The following SH3YL1 variants were observed in gnomAD, a reference collection of about 807,000 sequenced individuals.
SH3YL1 encodes the protein SH3 domain-containing YSC84-like protein 1.
Under a neutral mutation model 45.8 loss-of-function variants are expected in SH3YL1, and 41 were observed. That is an observed-to-expected ratio of 0.89 (90% CI 0.70 to 1.16). SH3YL1 has a LOEUF of 1.16. Among genes scored for constraint, SH3YL1 ranks in the 50% most tolerant of loss-of-function variants. The probability of loss-of-function intolerance (pLI) is 0.00; values close to 1 mark genes in which losing one functional copy is unlikely to be tolerated. For synonymous variants in SH3YL1, 152 were observed against 151.4 expected (o/e 1.00, Z -0.03); for missense variants, 389 against 409.6 (o/e 0.95, Z 0.43).
chr2:255,025 T>A (rs1301823607), intron 1 of SH3YL1, among the ~76,000 whole-genome samples: 1 of 152,156 alleles, frequency 6.6e-6, no homozygotes, highest in Non-Finnish European at 1.5e-5. Flanking sequence ...ATGTCTCATG[T>A]CTCCCTAAAA....
intron 8 of SH3YL1, 105 bp downstream of exon 8, chr2:229,861 C>T: frequency 6.1e-6 from 5 of 819,914 alleles, no homozygotes; most frequent in Non-Finnish European, 7.7e-6. Context: ...TATGTTAGTT[C>T]TTCTATTTAA....
chr2:231,964 T>C (rs976807006), intron 6 of SH3YL1, among the ~76,000 whole-genome samples: 1 of 152,168 alleles, frequency 6.6e-6, no homozygotes, highest in African/African-American at 2.4e-5. Flanking sequence ...ACTGGATGCT[T>C]TGTCTCGGAT....
upstream of SH3YL1, chr2:264,262 T>TG (rs956191724): frequency 1.5e-5 from 6 of 411,462 alleles, no homozygotes; most frequent in African/African-American, 1.2e-4. Context: ...GTGTTGGGGG[T>TG]GGGGGTCTCA....
intron 4 of SH3YL1, among the ~76,000 whole-genome samples, chr2:236,535 T>G (rs1256033045): frequency 6.6e-6 from 1 of 152,172 alleles, no homozygotes; most frequent in African/African-American, 2.4e-5. Context: ...CATTACTCCC[T>G]TTTGCATGCT....
chr2:264,720 C>A, upstream of SH3YL1: 5 of 473,074 alleles, frequency 1.1e-5, no homozygotes, highest in Non-Finnish European at 1.9e-5. Flanking sequence ...CCCGCCCCTG[C>A]AGGTGAACGG....
intron 6 of SH3YL1, among the ~76,000 whole-genome samples, chr2:231,974 T>C (rs1386836917): frequency 1.3e-5 from 2 of 152,242 alleles, no homozygotes; most frequent in African/African-American, 4.8e-5. Flanking sequence ...TTGTCTCGGA[T>C]AGTGGCGGGT....
intron 8 of SH3YL1, among the ~76,000 whole-genome samples, chr2:225,435 C>T (rs1180192439): frequency 6.6e-6 from 1 of 152,232 alleles, no homozygotes; most frequent in Non-Finnish European, 1.5e-5. Context: ...CCTTGCACAT[C>T]ATGTTCAGCT....
chr2:261,534 G>T (rs1228496932), intron 1 of SH3YL1, among the ~76,000 whole-genome samples: 1 of 151,892 alleles, frequency 6.6e-6, no homozygotes, highest in South Asian at 2.1e-4. Context: ...AAATTAGAAG[G>T]TCTTATAAAA....
intron 4 of SH3YL1, among the ~76,000 whole-genome samples, chr2:237,346 GGTGACACTACCA>G (rs3838489): frequency 0.29 from 44,676 of 151,628 alleles, 6,881 homozygotes; most frequent in Non-Finnish European, 0.35. Flanking sequence ...TGTGTTTTTT[GGTGACACTACCA>G]ATTAGCCCGA....
At chr2:223,644 G>T (rs182828737) in intron 9 of SH3YL1, among the ~76,000 whole-genome samples, 2 of 152,180 alleles carry the variant, frequency 1.3e-5, no homozygotes, top group African/African-American at 4.8e-5. Context: ...CTTTAAATCA[G>T]CCTGTAATGT....
chr2:219,465 G>C (rs1667486361), intron 9 of SH3YL1, among the ~76,000 whole-genome samples: 1 of 152,116 alleles, frequency 6.6e-6, no homozygotes. Flanking sequence ...CTTCCTCCTT[G>C]TGAGGACACA....
intron 2 of SH3YL1, among the ~76,000 whole-genome samples, 179 bp downstream of exon 2, chr2:252,826 A>G (rs932573129): frequency 1.3e-5 from 2 of 152,202 alleles, no homozygotes; most frequent in African/African-American, 4.8e-5. Context: ...ATGAACAGGT[A>G]GTAGTTTCCA....
intron 9 of SH3YL1, among the ~76,000 whole-genome samples, chr2:223,183 G>C (rs1667645882): frequency 6.6e-6 from 1 of 152,144 alleles, no homozygotes; most frequent in African/African-American, 2.4e-5. Flanking sequence ...TCCCACAGCT[G>C]GTAAGTGAAA....
chr2:223,794 C>A (rs779234226), intron 9 of SH3YL1, among the ~76,000 whole-genome samples: 11 of 152,120 alleles, frequency 7.2e-5, no homozygotes, highest in Non-Finnish European at 1.5e-4. Context: ...GGTGAGCCCC[C>A]GACCATCGCA....
At chr2:263,815 G>C in intron 1 of SH3YL1, 169 bp downstream of exon 1, 2 of 540,316 alleles carry the variant, frequency 3.7e-6, no homozygotes, top group Non-Finnish European at 6.7e-6. Flanking sequence ...CTGTGGTCAA[G>C]AAAGTCCTGG....
At chr2:246,183 G>A (rs1668799881) in intron 4 of SH3YL1, among the ~76,000 whole-genome samples, 2 of 148,014 alleles carry the variant, frequency 1.4e-5, no homozygotes, top group Non-Finnish European at 1.5e-5. Flanking sequence ...TAACAAGAGT[G>A]AAACTCCATC....
At chr2:233,517 T>G (rs1668152242) in intron 5 of SH3YL1, among the ~76,000 whole-genome samples, 1 of 152,234 alleles carries the variant, frequency 6.6e-6, no homozygotes, top group Admixed American at 6.5e-5. Context: ...TTTAAAAATT[T>G]GTAAATCTGA....
chr2:226,476 A>G (rs924473482), intron 8 of SH3YL1, among the ~76,000 whole-genome samples: 6 of 152,238 alleles, frequency 3.9e-5, no homozygotes, highest in African/African-American at 1.4e-4. Context: ...ATACAATCCA[A>G]TTAACAAGGA....
chr2:234,361 G>T (rs994466494), intron 4 of SH3YL1, 89 bp from the exon 5 acceptor site: 10 of 880,124 alleles, frequency 1.1e-5, no homozygotes, highest in Non-Finnish European at 1.8e-5. Flanking sequence ...TACACCATAT[G>T]CACTGTAGCA....
Sources: gnomAD v4.1 joint callset for allele counts (sites outside exome capture counted in the v4.1 genomes callset) on GRCh38, gnomAD v4.1.1 for gene constraint, MANE v1.5 for transcripts, NCBI Gene and HGNC (gene_info 2026-07-23, HGNC 2026-07-21) for gene names.